Variants in NEGR1 observed in about 807,000 individuals in gnomAD.
The protein encoded by NEGR1 is neuronal growth regulator 1, also known as IgLON family member 4.
A neutral mutation model predicts 40.9 loss-of-function variants in NEGR1; 10 were observed. The ratio of observed to expected loss-of-function variants is 0.24; its 90% CI spans 0.15 to 0.42. The LOEUF (loss-of-function observed/expected upper bound fraction) is 0.42, where lower values mean the gene tolerates loss of function less well. NEGR1 is among the 10% of genes least tolerant of loss of function. NEGR1 has a pLI of 1.00. For synonymous variants in NEGR1, 185 were observed against 166.8 expected (o/e 1.11, Z -0.84); for missense variants, 352 against 438.9 (o/e 0.80, Z 1.77).
At chr1:72,140,263 T>G (rs1299533144) in intron 1 of NEGR1, among the ~76,000 whole-genome samples, 8 of 142,734 alleles carry the variant, frequency 5.6e-5, no homozygotes, top group Admixed American at 4.9e-4. Context: ...TACAGTTGTT[T>G]TTTAAAGGAT....
intron 1 of NEGR1, among the ~76,000 whole-genome samples, chr1:72,267,844 A>AT (rs754084832): frequency 1.3e-4 from 20 of 151,362 alleles, no homozygotes; most frequent in Non-Finnish European, 1.8e-4. Flanking sequence ...TAAGAAGATT[A>AT]TGATGCTAAC....
chr1:71,507,531 G>T (rs1029004333), intron 6 of NEGR1, among the ~76,000 whole-genome samples: 1 of 152,210 alleles, frequency 6.6e-6, no homozygotes, highest in African/African-American at 2.4e-5. Context: ...AAACAAAAAG[G>T]TAATTAAAAA....
At chr1:72,007,664 TA>T (rs1158425598) in intron 1 of NEGR1, among the ~76,000 whole-genome samples, 5 of 152,160 alleles carry the variant, frequency 3.3e-5, no homozygotes, top group South Asian at 4.1e-4. Flanking sequence ...GTGAACTAGT[TA>T]AAAAAAATCA....
chr1:71,672,332 C>T (rs1271203579), intron 4 of NEGR1, among the ~76,000 whole-genome samples: 1 of 152,106 alleles, frequency 6.6e-6, no homozygotes, highest in African/African-American at 2.4e-5. Flanking sequence ...AAACATGTGA[C>T]ATCTTTGTAA....
chr1:72,203,337 A>T (rs1653281095), intron 1 of NEGR1, among the ~76,000 whole-genome samples: 1 of 152,098 alleles, frequency 6.6e-6, no homozygotes, highest in African/African-American at 2.4e-5. Flanking sequence ...CTTATGGGTG[A>T]CTTTGAGCAG....
chr1:72,021,159 AATAAC>A (rs1646752806), intron 1 of NEGR1, among the ~76,000 whole-genome samples: 1 of 152,166 alleles, frequency 6.6e-6, no homozygotes, highest in Non-Finnish European at 1.5e-5. Flanking sequence ...TTGGAAATTT[AATAAC>A]ATACATCTAA....
intron 6 of NEGR1, among the ~76,000 whole-genome samples, chr1:71,525,912 A>C (rs1201700399): frequency 1.3e-5 from 2 of 151,602 alleles, no homozygotes; most frequent in African/African-American, 4.8e-5. Context: ...CTGACTTTGA[A>C]GCATTGATCT....
chr1:72,023,096 T>C (rs1646775327), intron 1 of NEGR1, among the ~76,000 whole-genome samples: 1 of 152,168 alleles, frequency 6.6e-6, no homozygotes, highest in South Asian at 2.1e-4. Context: ...CTCATCTCAT[T>C]AAACAGTATT....
intron 3 of NEGR1, among the ~76,000 whole-genome samples, chr1:71,719,778 G>A (rs1040351083): frequency 1.3e-5 from 2 of 151,764 alleles, no homozygotes; most frequent in Non-Finnish European, 2.9e-5. Flanking sequence ...CCTCCCCCAG[G>A]CCCCCACCCC....
intron 5 of NEGR1, among the ~76,000 whole-genome samples, chr1:71,605,577 A>G (rs184379259): frequency 1.8e-3 from 278 of 152,330 alleles, no homozygotes; most frequent in Non-Finnish European, 3.1e-3. Context: ...ACATAGATTA[A>G]TTGAATTTCA....
chr1:72,193,770 G>T (rs1227910924), intron 1 of NEGR1, among the ~76,000 whole-genome samples: 1 of 151,026 alleles, frequency 6.6e-6, no homozygotes, highest in Non-Finnish European at 1.5e-5. Context: ...AATATAAAAA[G>T]AATATTTTTA....
intron 1 of NEGR1, among the ~76,000 whole-genome samples, chr1:71,935,950 C>T (rs1360414899): frequency 6.6e-6 from 1 of 152,084 alleles, no homozygotes; most frequent in Non-Finnish European, 1.5e-5. Flanking sequence ...AAGCGCCTGC[C>T]ACTGTGCCCA....
intron 1 of NEGR1, among the ~76,000 whole-genome samples, chr1:72,256,179 G>A (rs1023534704): frequency 6.6e-6 from 1 of 152,200 alleles, no homozygotes; most frequent in Non-Finnish European, 1.5e-5. Flanking sequence ...TGACAACTGA[G>A]CATGCATTGC....
chr1:71,553,851 A>T (rs778404259), intron 6 of NEGR1, among the ~76,000 whole-genome samples: 1 of 151,572 alleles, frequency 6.6e-6, no homozygotes, highest in Non-Finnish European at 1.5e-5. Flanking sequence ...TCATATTATT[A>T]GCACACTTCT....
chr1:71,447,737 A>C (rs999514955), intron 6 of NEGR1, among the ~76,000 whole-genome samples: 8 of 152,202 alleles, frequency 5.3e-5, no homozygotes, highest in African/African-American at 1.9e-4. Context: ...GGGACTATGA[A>C]GCACTCGCTA....
chr1:71,874,581 C>A (rs1239300967), intron 2 of NEGR1, among the ~76,000 whole-genome samples: 2 of 152,070 alleles, frequency 1.3e-5, no homozygotes, highest in African/African-American at 4.8e-5. Context: ...TTAATGCCTG[C>A]TTTTTAAATA....
intron 4 of NEGR1, among the ~76,000 whole-genome samples, chr1:71,637,121 A>G (rs184749228): frequency 6.6e-6 from 1 of 152,164 alleles, no homozygotes; most frequent in East Asian, 1.9e-4. Context: ...TTCTTGTACT[A>G]TAGTGTATAA....
At chr1:71,535,612 T>C (rs12745046) in intron 6 of NEGR1, among the ~76,000 whole-genome samples, 10,364 of 151,576 alleles carry the variant, frequency 0.068, 391 homozygotes, top group South Asian at 0.092. Flanking sequence ...AAAACAAGAA[T>C]TGAGAATAGA....
chr1:71,817,173 C>T (rs1319107989), intron 2 of NEGR1, among the ~76,000 whole-genome samples: 8 of 152,024 alleles, frequency 5.3e-5, no homozygotes, highest in African/African-American at 1.7e-4. Context: ...GCTGTGCCTA[C>T]TCTTTTTAAA....
Sources: gnomAD v4.1 joint callset for allele counts (sites outside exome capture counted in the v4.1 genomes callset) on GRCh38, gnomAD v4.1.1 for gene constraint, MANE v1.5 for transcripts, NCBI Gene and HGNC (gene_info 2026-07-23, HGNC 2026-07-21) for gene names.